Variants in TPRG1 observed in about 807,000 individuals in gnomAD.
TPRG1 encodes tumor protein p63-regulated gene 1 protein.
In TPRG1, 29 loss-of-function variants were observed where a neutral mutation model predicts 29.3. That is an observed-to-expected ratio of 0.99 (90% CI 0.74 to 1.35). The LOEUF (loss-of-function observed/expected upper bound fraction) is 1.35. TPRG1 is among the 40% of genes most tolerant of loss of function. The pLI, the probability that TPRG1 is intolerant of heterozygous loss-of-function variation, is 0.00. For missense variants in TPRG1, 327 were observed against 335.0 expected (o/e 0.98, Z 0.19); for synonymous variants, 130 against 116.8 (o/e 1.11, Z -0.73).
intron 4 of TPRG1, among the ~76,000 whole-genome samples, chr3:189,082,324 G>T (rs548042755): frequency 6.6e-6 from 1 of 152,198 alleles, no homozygotes; most frequent in Non-Finnish European, 1.5e-5. Context: ...TGACCCTTGG[G>T]AAGATTAACC....
At chr3:189,204,982 CTCTT>C (rs1426627716) in intron 1 of TPRG1, among the ~76,000 whole-genome samples, 8 of 152,026 alleles carry the variant, frequency 5.3e-5, no homozygotes, top group South Asian at 2.1e-4. Context: ...CACACATACA[CTCTT>C]TCTCCTGCTT....
At chr3:189,202,397 G>T (rs1424214207) in intron 1 of TPRG1, among the ~76,000 whole-genome samples, 2 of 152,098 alleles carry the variant, frequency 1.3e-5, no homozygotes, top group African/African-American at 4.8e-5. Context: ...ATGTGGATTT[G>T]TGCCAGGACC....
chr3:189,043,715 T>C (rs1349671488), intron 4 of TPRG1, among the ~76,000 whole-genome samples: 2 of 152,096 alleles, frequency 1.3e-5, no homozygotes, highest in East Asian at 3.9e-4. Flanking sequence ...CACTCTTGAA[T>C]TGAAGGAGGG....
At chr3:189,112,317 G>A (rs1360259568) in intron 1 of TPRG1, among the ~76,000 whole-genome samples, 1 of 151,986 alleles carries the variant, frequency 6.6e-6, no homozygotes, top group African/African-American at 2.4e-5. Flanking sequence ...AAAATTCATT[G>A]AAAAGTGTTC....
At chr3:189,028,257 C>T (rs145703111) in intron 4 of TPRG1, among the ~76,000 whole-genome samples, 123 of 152,336 alleles carry the variant, frequency 8.1e-4, no homozygotes, top group African/African-American at 1.3e-3. Flanking sequence ...GACCGCATTC[C>T]AGTGCCCTAT....
At chr3:189,299,290 C>T (rs530949942) in intron 4 of TPRG1, among the ~76,000 whole-genome samples, 1 of 152,066 alleles carries the variant, frequency 6.6e-6, no homozygotes, top group East Asian at 1.9e-4. Flanking sequence ...GAAGCTCTTT[C>T]CTCTGTCTAC....
At chr3:189,209,503 A>T (rs559608053) in intron 2 of TPRG1, among the ~76,000 whole-genome samples, 2 of 152,244 alleles carry the variant, frequency 1.3e-5, no homozygotes, top group Admixed American at 1.3e-4. Context: ...TATACAGCAA[A>T]CTCACATCCT....
chr3:189,223,435 G>A (rs1737232686), intron 3 of TPRG1, among the ~76,000 whole-genome samples: 1 of 152,212 alleles, frequency 6.6e-6, no homozygotes, highest in African/African-American at 2.4e-5. Context: ...CTGGGTGGGT[G>A]TTTTTGACAA....
At chr3:189,046,250 GACA>G (rs1714971137) in intron 4 of TPRG1, among the ~76,000 whole-genome samples, 2 of 152,192 alleles carry the variant, frequency 1.3e-5, no homozygotes, top group Non-Finnish European at 1.5e-5. Context: ...CAGAAATCTG[GACA>G]ACATCTCTGT....
At chr3:189,057,786 A>G (rs547971629) in intron 4 of TPRG1, among the ~76,000 whole-genome samples, 1 of 145,622 alleles carries the variant, frequency 6.9e-6, no homozygotes, top group South Asian at 2.2e-4. Flanking sequence ...ACATATATGT[A>G]TATTTATGGG....
At chr3:189,228,214 G>C (rs1320436644) in intron 3 of TPRG1, among the ~76,000 whole-genome samples, 1 of 152,030 alleles carries the variant, frequency 6.6e-6, no homozygotes, top group Non-Finnish European at 1.5e-5. Flanking sequence ...ACAGAAGAAT[G>C]AACATTAATT....
intron 3 of TPRG1, among the ~76,000 whole-genome samples, chr3:189,139,137 C>G (rs907741931): frequency 6.6e-6 from 1 of 152,196 alleles, no homozygotes; most frequent in African/African-American, 2.4e-5. Flanking sequence ...CTCAGCTGAT[C>G]CTCACAAAGG....
intron 1 of TPRG1, among the ~76,000 whole-genome samples, chr3:189,204,613 G>A (rs1241773931): frequency 1.3e-5 from 2 of 152,152 alleles, no homozygotes; most frequent in Non-Finnish European, 2.9e-5. Context: ...TTCCCCAAGT[G>A]TTTCCAGAGA....
chr3:189,153,327 G>A (rs1272779743), intron 5 of TPRG1, among the ~76,000 whole-genome samples: 1 of 152,146 alleles, frequency 6.6e-6, no homozygotes, highest in Non-Finnish European at 1.5e-5. Context: ...GGTGCATGTG[G>A]TTTATTGAGT....
rs1730487387 is a variant in TPRG1 at position 189,183,318 on chromosome 3, G to T, written c.-10+11187G>T. 3.3e-5 allele frequency among the ~76,000 whole-genome samples: 5 copies of T among 152,126 alleles called. No homozygotes were observed. The South Asian group carries it at 1.0e-3, about 32-fold the overall frequency. On this transcript the variant is annotated intron_variant, in intron 1 of 5. Transcript: ENST00000345063. Reference sequence around the variant, plus strand: ...GTCACAGAGATCACATACTTCACAAGGTAGTAGAATATCGCAAGGCAAATG... The same window carrying T: ...GTCACAGAGATCACATACTTCACAATGTAGTAGAATATCGCAAGGCAAATG...
At chr3:189,149,048 T>A (rs957567409) in intron 4 of TPRG1, among the ~76,000 whole-genome samples, 2 of 152,216 alleles carry the variant, frequency 1.3e-5, no homozygotes, top group African/African-American at 4.8e-5. Flanking sequence ...CCCTCCTATG[T>A]CATAGGTATC....
intron 4 of TPRG1, among the ~76,000 whole-genome samples, chr3:189,081,583 G>A (rs943702251): frequency 6.6e-6 from 1 of 152,146 alleles, no homozygotes; most frequent in Non-Finnish European, 1.5e-5. Context: ...CAGAAAAGTT[G>A]ATAAAAATAC....
chr3:189,303,361 GT>G (rs940567135), intron 4 of TPRG1, among the ~76,000 whole-genome samples: 5 of 152,152 alleles, frequency 3.3e-5, no homozygotes, highest in African/African-American at 1.2e-4. Flanking sequence ...CCAAAGGTTG[GT>G]AATCCTCTGC....
At position 189,191,815 on chromosome 3, in the gene TPRG1, T is replaced by G. The variant is rs541755189; in HGVS notation, c.-9-15561T>G. On this transcript the variant is annotated intron_variant, in intron 1 of 5. Coordinates refer to ENST00000345063, the MANE Select transcript of TPRG1 (RefSeq NM_198485.4). ...CTGAATATTGCCCATTGGTTTAGAT[T>G]AAGCCTCTTCTCTAGTTCCTTTATA... Among the ~76,000 whole-genome samples the G allele has an allele frequency of 1.2e-4, 18 of 152,326 alleles. 1 individual carries two copies. The South Asian group carries it at 3.3e-3, about 28-fold the overall frequency.
Sources: gnomAD v4.1 joint callset for allele counts (sites outside exome capture counted in the v4.1 genomes callset) on GRCh38, gnomAD v4.1.1 for gene constraint, MANE v1.5 for transcripts, NCBI Gene and HGNC (gene_info 2026-07-23, HGNC 2026-07-21) for gene names.